The following GOPC variants were observed in gnomAD, a reference collection of about 807,000 sequenced individuals.
GOPC encodes the protein Golgi-associated PDZ and coiled-coil motif-containing protein.
In GOPC, 32 loss-of-function variants were observed where a neutral mutation model predicts 51.2. That is an observed-to-expected ratio of 0.63 (90% CI 0.47 to 0.84). The LOEUF (loss-of-function observed/expected upper bound fraction) is 0.84. Among genes scored for constraint, GOPC ranks in the 40% least tolerant of loss-of-function variants. The pLI, the probability that GOPC is intolerant of heterozygous loss-of-function variation, is 0.00. For missense variants in GOPC, 441 were observed against 555.5 expected (o/e 0.79, Z 2.07); for synonymous variants, 190 against 205.1 (o/e 0.93, Z 0.63).
At chr6:117,563,988 T>A (rs1779642607) in intron 8 of GOPC, among the ~76,000 whole-genome samples, 1 of 151,482 alleles carries the variant, frequency 6.6e-6, no homozygotes, top group Non-Finnish European at 1.5e-5. Flanking sequence ...TTTTTCTTTT[T>A]TTTTTCTGAG....
At chr6:117,579,844 G>GA (rs1043577094) in intron 1 of GOPC, among the ~76,000 whole-genome samples, 9 of 151,590 alleles carry the variant, frequency 5.9e-5, no homozygotes, top group Non-Finnish European at 8.8e-5. Context: ...AGCACAATGA[G>GA]AAAAAAAATT....
At chr6:117,599,173 G>A (rs1771946828) in intron 1 of GOPC, among the ~76,000 whole-genome samples, 1 of 151,982 alleles carries the variant, frequency 6.6e-6, no homozygotes, top group Non-Finnish European at 1.5e-5. Context: ...GGAGGTATCT[G>A]TTTCTTCATT....
intron 1 of GOPC, among the ~76,000 whole-genome samples, chr6:117,583,677 G>T (rs1779992161): frequency 6.6e-6 from 1 of 151,852 alleles, no homozygotes; most frequent in African/African-American, 2.4e-5. Context: ...TAATCTTCTG[G>T]AAGCTCTGTA....
chr6:117,567,076 T>A (rs763537239), intron 7 of GOPC, 42 bp from the exon 8 acceptor site: 5 of 1,445,166 alleles, frequency 3.5e-6, no homozygotes, highest in Non-Finnish European at 4.6e-6. Flanking sequence ...GTTATTGTAA[T>A]TGTAATTTAA....
At chr6:117,598,320 C>T (rs11964717) in intron 1 of GOPC, among the ~76,000 whole-genome samples, 5,403 of 151,940 alleles carry the variant, frequency 0.036, 125 homozygotes, top group Non-Finnish European at 0.051. Context: ...CCACAGTGAG[C>T]TATGATTGCA....
intron 1 of GOPC, among the ~76,000 whole-genome samples, chr6:117,589,104 C>T (rs1583062074): frequency 6.6e-6 from 1 of 152,218 alleles, no homozygotes; most frequent in Middle Eastern, 3.4e-3. Context: ...AGAAAGTGTA[C>T]GAATTTGTGT....
At chr6:117,585,877 A>C (rs1217697906) in intron 1 of GOPC, among the ~76,000 whole-genome samples, 5 of 152,224 alleles carry the variant, frequency 3.3e-5, no homozygotes, top group Non-Finnish European at 7.3e-5. Flanking sequence ...GCAAGCAAAC[A>C]AAGCACACAT....
chr6:117,572,254 A>G (rs1180263308), intron 5 of GOPC, among the ~76,000 whole-genome samples: 2 of 152,150 alleles, frequency 1.3e-5, no homozygotes, highest in African/African-American at 4.8e-5. Context: ...TGCTCAAACT[A>G]AAAGCCCAGA....
chr6:117,593,592 G>A (rs1205363458), intron 1 of GOPC, among the ~76,000 whole-genome samples: 5 of 152,196 alleles, frequency 3.3e-5, no homozygotes, highest in East Asian at 1.9e-4. Context: ...CTCTAGCTCC[G>A]TAGCCTCAGG....
intron 8 of GOPC, among the ~76,000 whole-genome samples, chr6:117,565,402 A>G (rs956981774): frequency 1.3e-5 from 2 of 152,202 alleles, no homozygotes; most frequent in East Asian, 1.9e-4. Context: ...AAATTTGACA[A>G]TGTGGAATTT....
chr6:117,598,164 G>C, intron 1 of GOPC, among the ~76,000 whole-genome samples: 1 of 143,320 alleles, frequency 7.0e-6, no homozygotes, highest in East Asian at 2.1e-4. Context: ...TTCAAGACCA[G>C]CCTAAGCAAC....
At position 117,567,041 on chromosome 6, in the gene GOPC, C is replaced by T; in HGVS notation, c.1078-7G>A. The T allele has an allele frequency of 6.4e-7, 1 of 1,550,742 alleles. No individual in the cohort carries two copies. On this transcript the variant is annotated splice_polypyrimidine_tract_variant and splice_region_variant and intron_variant, in intron 7 of 8. Transcript: ENST00000368498. ...CAAATTCAATCTCTCCTCTCTAAAA[C>T]AGGAAATGAAAATGAGAAAGTCAAG...
At chr6:117,569,421 G>A in intron 7 of GOPC, 151 bp downstream of exon 7, 1 of 1,082,330 alleles carries the variant, frequency 9.2e-7, no homozygotes, top group Non-Finnish European at 1.3e-6. Flanking sequence ...AAATCTGACT[G>A]AATGTCAGCT....
At chr6:117,579,239 A>G (rs1199573330) in intron 1 of GOPC, among the ~76,000 whole-genome samples, 175 bp from the exon 2 acceptor site, 2 of 152,148 alleles carry the variant, frequency 1.3e-5, no homozygotes, top group Non-Finnish European at 2.9e-5. Context: ...AATCAATAGT[A>G]TAAGTCAGAT....
rs188627579 is a variant in GOPC at position 117,573,843 on chromosome 6, A to T, written c.651-211T>A. ...CTCAAGGGAAAAACCAGTAAAAAAA[A>T]TTTTTAAAGGAATTAATGTGAACTC... On this transcript the variant is annotated intron_variant, in intron 4 of 8. Transcript: ENST00000368498. Among the ~76,000 whole-genome samples, 483 of 152,274 alleles carry T rather than the reference A, an allele frequency of 3.2e-3. 3 individuals are homozygous for T. Among genetic ancestry groups the T allele is most frequent in the African/African-American group, 0.011 (443 of 41,554 alleles).
intron 1 of GOPC, among the ~76,000 whole-genome samples, chr6:117,593,540 C>A (rs1780149832): frequency 1.3e-5 from 2 of 152,168 alleles, no homozygotes; most frequent in African/African-American, 4.8e-5. Flanking sequence ...CCACCTCCTC[C>A]ATCCCCCATC....
intron 1 of GOPC, among the ~76,000 whole-genome samples, chr6:117,593,243 T>C (rs558793183): frequency 1.6e-4 from 24 of 152,116 alleles, no homozygotes; most frequent in African/African-American, 5.8e-4. Flanking sequence ...TGGGCTCCTA[T>C]TTTACAGAAA....
chr6:117,596,785 G>C (rs1780203677), intron 1 of GOPC, among the ~76,000 whole-genome samples: 1 of 152,046 alleles, frequency 6.6e-6, no homozygotes, highest in Non-Finnish European at 1.5e-5. Context: ...TGCTGTTTTG[G>C]TGACTTTGGC....
chr6:117,594,432 T>C (rs956704163), intron 1 of GOPC, among the ~76,000 whole-genome samples: 1 of 152,176 alleles, frequency 6.6e-6, no homozygotes, highest in Non-Finnish European at 1.5e-5. Context: ...GTACCTTTCA[T>C]AGTATTCATC....
Sources: allele counts gnomAD v4.1 joint callset (sites outside exome capture counted in the v4.1 genomes callset), GRCh38; gene constraint gnomAD v4.1.1; transcripts MANE v1.5; gene names NCBI Gene and HGNC (gene_info 2026-07-23, HGNC 2026-07-21).